MKI67: variants seen among roughly 807,000 people sequenced by gnomAD.
The protein encoded by MKI67 is marker of proliferation Ki-67, also known as proliferation marker protein Ki-67.
Under a neutral mutation model 233.5 loss-of-function variants are expected in MKI67, and 152 were observed. That is an observed-to-expected ratio of 0.65 (90% CI 0.57 to 0.74). MKI67 has a LOEUF of 0.74. MKI67 is among the 30% of genes least tolerant of loss of function. MKI67 has a pLI of 0.00. For missense variants in MKI67, 3,940 were observed against 3,885.2 expected (o/e 1.01, Z -0.37); for synonymous variants, 1,465 against 1,418.5 (o/e 1.03, Z -0.74).
At chr10:128,112,540 T>C in intron 8 of MKI67, 95 bp from the exon 9 acceptor site, 1 of 1,243,600 alleles carries the variant, frequency 8.0e-7, no homozygotes, top group South Asian at 1.4e-5. Context: ...ATTTCAGCTG[T>C]TTAAATCTTG....
In MKI67 at chr10:128,108,028, C is replaced by T. The variant is rs765282623; in HGVS notation, c.3812G>A (p.Arg1271Lys). 3 of 1,612,530 alleles carry T rather than the reference C, an allele frequency of 1.9e-6. No homozygotes were observed. Among genetic ancestry groups the T allele is most frequent in the Non-Finnish European group, 2.5e-6 (3 of 1,179,746 alleles). ...CTCTACATCTGCTTTCCTGATACTT[C>T]TCTTGGGTCGTTGCTTTGTGCTTGT... ...TPTSTKQRPK[R>K]SIRKADVEGE... Residue 1271 changes from arginine (R) to lysine (K), a missense_variant, in exon 13 of 15, where the codon AGA (arginine) becomes AAA (lysine). By Grantham distance (26) the Arg-to-Lys change is conservative. Transcript: ENST00000368654.
In MKI67 at chr10:128,107,723, A is replaced by T; in HGVS notation, c.4117T>A (p.Cys1373Ser). The T allele has an allele frequency of 1.1e-5, 17 of 1,613,792 alleles. No homozygotes were observed. The highest frequency in any genetic ancestry group is 1.4e-5 in the Non-Finnish European group (16 of 1,179,982). Residue 1373 changes from cysteine (C) to serine (S), a missense_variant, in exon 13 of 15, where the codon TGC becomes AGC. Transcript: ENST00000368654. ...GCTGATTCTGGTGGAGAAGATTCGC[A>T]GGGCATTTTAGTAGTTTTGCCAGCA... ...VAAGKTTKMPCESSPPESADT... is the reference protein window; with the variant it reads ...VAAGKTTKMPSESSPPESADT...
At position 128,107,692 on chromosome 10, in the gene MKI67, G is replaced by T. The variant is rs1444866044; in HGVS notation, c.4148C>A (p.Thr1383Asn). The change falls in exon 13 of 15, where the codon ACC (threonine) becomes AAC (asparagine). Residue 1383 changes from threonine (T) to asparagine (N), a missense_variant. By Grantham distance (65) the Thr-to-Asn change is moderately conservative. Coordinates refer to ENST00000368654, the MANE Select transcript of MKI67 (RefSeq NM_002417.5). ...GGGCTGCCTTCTTGTGCTTGTTGGG[G>T]TGTCTGCTGATTCTGGTGGAGAAGA... ...CESSPPESAD[T>N]PTSTRRQPKT... The T allele has an allele frequency of 6.2e-7, 1 of 1,613,726 alleles. No homozygotes were observed. Among genetic ancestry groups the T allele is most frequent in the Non-Finnish European group, 8.5e-7 (1 of 1,180,018 alleles).
chr10:128,108,934 C>A lies in MKI67; in HGVS notation c.2906G>T (p.Ser969Ile). The A allele has an allele frequency of 1.9e-6, 3 of 1,614,258 alleles. No homozygotes were observed. Among genetic ancestry groups the A allele is most frequent in the Non-Finnish European group, 2.5e-6 (3 of 1,180,048 alleles). ...APMSDLTDLK[S>I]LPDTELMKDT... ...TTTCATGAGTTCTGTATCAGGCAAG[C>A]TCTTGAGGTCTGTCAGGTCAGACAT... The change falls in exon 13 of 15, where the codon AGC (serine) becomes ATC (isoleucine). Residue 969 changes from serine to isoleucine, a missense_variant. Ser to Ile is a moderately radical substitution (Grantham distance 142, BLOSUM62 -2). Coordinates refer to ENST00000368654, the MANE Select transcript of MKI67 (RefSeq NM_002417.5).
chr10:128,106,996 CA>C lies in MKI67; in HGVS notation c.4843del (p.Cys1615AlafsTer28). 1.2e-6 allele frequency: 2 copies of C among 1,613,062 alleles called. No homozygotes were observed. The highest frequency in any genetic ancestry group is 1.1e-5 in the South Asian group (1 of 91,032). On this transcript the variant is annotated frameshift_variant, in exon 13 of 15. Transcript: ENST00000368654. LOFTEE classifies it high-confidence loss of function. ...GTCTGGGTCTGGTTGTGAAGATTTG[CA>C]GGCTACTTTGGCAGTTTTATCGTTA... ...MTNDKTAKVA[C>X]KSSQPDPDKN...
rs374103830 is a variant in MKI67 at position 128,112,339 on chromosome 10, G to A, written c.1763C>T (p.Thr588Ile). 16 of 1,614,074 alleles carry A rather than the reference G, an allele frequency of 9.9e-6. No individual in the cohort carries two copies. The highest frequency in any genetic ancestry group is 1.3e-5 in the Non-Finnish European group (15 of 1,180,046). ...ISPPAPSPRK[T>I]PVASDQRRRS... is the part of the protein sequence containing the mutation. ...ACGGCGTTGATCACTGGCAACTGGA[G>A]TTTTCCTAGGACTAGGAGCTGGAGG... Residue 588 changes from threonine (T) to isoleucine (I), a missense_variant, in exon 9 of 15, where the codon ACT (threonine) becomes ATT (isoleucine). By Grantham distance (89) the Thr-to-Ile change is moderately conservative. Transcript: ENST00000368654.
Position 128,107,858 on chromosome 10 carries a change from C to T in MKI67, c.3982G>A (p.Gly1328Ser), listed in dbSNP as rs201476882. Residue 1328 changes from glycine to serine, a missense_variant, in exon 13 of 15, where the codon GGC (glycine) becomes AGC (serine). Gly to Ser is a moderately conservative substitution (Grantham distance 56, BLOSUM62 0). Transcript: ENST00000368654. The stretch of plus-strand genomic sequence containing the variant: ...GGAGTTTGTGGCCGTCTCTTGCTGC[C>T]GGTTAAGTTCTCTGTCAGGTCCAGT... ...QKLDLTENLTGSKRRPQTPKE... is the reference protein window; with the variant it reads ...QKLDLTENLTSSKRRPQTPKE... 75 of 1,612,680 alleles carry T rather than the reference C, an allele frequency of 4.7e-5. No homozygotes were observed. Among genetic ancestry groups the T allele is most frequent in the African/African-American group, 1.1e-4 (8 of 74,500 alleles).
rs1334045834 is a variant in MKI67, at chr10:128,108,140, G to A, written c.3700C>T (p.Pro1234Ser). 3 of 1,613,316 alleles carry A rather than the reference G, an allele frequency of 1.9e-6. No homozygotes were observed. The highest frequency in any genetic ancestry group is 1.7e-6 in the Non-Finnish European group (2 of 1,179,920). ...LAGFKELFQT[P>S]GHTEELVAAG... ...GCCACTAATTCCTCGGTGTGACCAGGAGTCTGGAAGAGCTCTTTAAAGCCA... is the reference window on the plus strand; with the variant it reads ...GCCACTAATTCCTCGGTGTGACCAGAAGTCTGGAAGAGCTCTTTAAAGCCA... The change falls in exon 13 of 15, where the codon CCT becomes TCT. Residue 1234 changes from proline (P) to serine (S), a missense_variant. By Grantham distance (74) the Pro-to-Ser change is moderately conservative (BLOSUM62 -1). Coordinates refer to ENST00000368654, the MANE Select transcript of MKI67 (RefSeq NM_002417.5).
rs764361328 is a variant in MKI67 at position 128,109,242 on chromosome 10, T to C, written c.2598A>G (p.Ser866=). The C allele has an allele frequency of 6.2e-7, 1 of 1,614,204 alleles. No individual in the cohort carries two copies. The highest frequency in any genetic ancestry group is 1.1e-5 in the South Asian group (1 of 91,080). The change falls in exon 13 of 15, where the codon TCA becomes TCG. Residue 866 remains serine (S), a synonymous_variant. Transcript: ENST00000368654. ...TKTSDTETEP[S]KTVSTANRSG... ...ACCTGTTTGCAGTGGATACTGTTTT[T>C]GAAGGCTCTGTCTCAGTATCTGAAG...
At chr10:128,122,259 T>C (rs1852964376) in intron 4 of MKI67, among the ~76,000 whole-genome samples, 1 of 152,148 alleles carries the variant, frequency 6.6e-6, no homozygotes, top group Admixed American at 6.6e-5. Flanking sequence ...GACTTGAAGA[T>C]GGCTGCCTTC....
intron 2 of MKI67, 41 bp from the exon 3 acceptor site, chr10:128,123,210 T>C (rs1347436905): frequency 1.5e-6 from 2 of 1,337,436 alleles, no homozygotes; most frequent in Non-Finnish European, 1.1e-6. Context: ...TGCTGCAACT[T>C]TTTAAAAGAT....
rs748958146 is a variant in MKI67, at chr10:128,125,711, G to A, written c.-44C>T. 6.6e-7 allele frequency: 1 copy of A among 1,524,254 alleles called. No individual in the cohort carries two copies. Among genetic ancestry groups the A allele is most frequent in the South Asian group, 1.1e-5 (1 of 88,596 alleles). The allele number at this position is 1,524,254 out of a possible 1,614,324, so 94.4% of individuals were successfully genotyped here. On this transcript the variant is annotated 5_prime_UTR_variant, in exon 2 of 15. Coordinates refer to ENST00000368654, the MANE Select transcript of MKI67 (RefSeq NM_002417.5). The surrounding 1 kb of genome is among the most constrained non-coding windows in gnomAD (Gnocchi z 5.3). ...AGTATAATCCGTAGGGGAAGGCCAG[G>A]TATAATCCGTAGGGGAAGGCCAGAA...
intron 13 of MKI67, among the ~76,000 whole-genome samples, 200 bp from the exon 14 acceptor site, chr10:128,101,901 C>G (rs1335539205): frequency 6.6e-6 from 1 of 152,134 alleles, no homozygotes; most frequent in Non-Finnish European, 1.5e-5. Flanking sequence ...AAATGACTGT[C>G]TCTGCTGACA....
Position 128,107,712 on chromosome 10 carries a change from A to T in MKI67, c.4128T>A (p.Ser1376=), listed in dbSNP as rs1243878789. ...GKTTKMPCES[S]PPESADTPTS... is the part of the protein sequence containing the mutation. The stretch of plus-strand genomic sequence containing the variant: ...TTGGGGTGTCTGCTGATTCTGGTGG[A>T]GAAGATTCGCAGGGCATTTTAGTAG... Residue 1376 remains serine (S), a synonymous_variant, in exon 13 of 15, where the codon TCT becomes TCA. Coordinates refer to ENST00000368654, the MANE Select transcript of MKI67 (RefSeq NM_002417.5). 6.2e-7 allele frequency: 1 copy of T among 1,611,888 alleles called. No homozygotes were observed. The highest frequency in any genetic ancestry group is 8.5e-7 in the Non-Finnish European group (1 of 1,179,450).
At chr10:128,121,378 A>G (rs1007476020) in intron 4 of MKI67, among the ~76,000 whole-genome samples, 41 of 143,630 alleles carry the variant, frequency 2.9e-4, no homozygotes, top group African/African-American at 1.0e-3. Context: ...ATTATATATT[A>G]TATAATATAA....
rs1430914326 is a variant in MKI67, at chr10:128,109,099, A to G, written c.2741T>C (p.Leu914Pro). ...ILKRGQKATL[L>P]QQRREGEMKE... ...CATCTCTCCTTCTCTCCTTTGTTGT[A>G]GTAGTGTTGCCTTCTGACCTCTTTT... The change falls in exon 13 of 15, where the codon CTA (leucine) becomes CCA (proline). Residue 914 changes from leucine (L) to proline (P), a missense_variant. By Grantham distance (98) the Leu-to-Pro change is moderately conservative. Transcript: ENST00000368654. The G allele has an allele frequency of 6.2e-7, 1 of 1,613,998 alleles. No homozygotes were observed. Among genetic ancestry groups the G allele is most frequent in the Admixed American group, 1.7e-5 (1 of 60,002 alleles).
chr10:128,099,173 C>T lies in MKI67; in HGVS notation c.*17G>A, dbSNP rs2136122199. 1 of 1,591,490 alleles carries T rather than the reference C, an allele frequency of 6.3e-7. No individual in the cohort carries two copies. The highest frequency in any genetic ancestry group is 2.2e-5 in the East Asian group (1 of 44,512). Reference sequence around the variant, plus strand: ...CAAAACTAACTTTATTATATTTTTCCCAGTTCGATTTTTCTGTCAAATATC... The same window carrying T: ...CAAAACTAACTTTATTATATTTTTCTCAGTTCGATTTTTCTGTCAAATATC... On this transcript the variant is annotated 3_prime_UTR_variant, in exon 15 of 15. Transcript: ENST00000368654.
Position 128,099,221 on chromosome 10 carries a change from G to A in MKI67, c.9740C>T (p.Thr3247Ile). ...EDNVCVKKIR[T>I]RSHRDSEDI ...ATCTTCACTGTCCCTATGACTTCTG[G>A]TTCTTATTTTCTTGACACACACATT... Residue 3247 changes from threonine to isoleucine, a missense_variant, in exon 15 of 15, where the codon ACC becomes ATC. Thr to Ile is a moderately conservative substitution (Grantham distance 89). Coordinates refer to ENST00000368654, the MANE Select transcript of MKI67 (RefSeq NM_002417.5). 6.2e-7 allele frequency: 1 copy of A among 1,612,954 alleles called. No individual in the cohort carries two copies. The highest frequency in any genetic ancestry group is 8.5e-7 in the Non-Finnish European group (1 of 1,179,538).
At chr10:128,102,130 CCTCT>C (rs1335998518) in intron 13 of MKI67, among the ~76,000 whole-genome samples, 1 of 152,178 alleles carries the variant, frequency 6.6e-6, no homozygotes, top group African/African-American at 2.4e-5. Context: ...GCAGTGGGAG[CCTCT>C]CTATCTAACA....
Sources: gnomAD v4.1 joint callset for allele counts (sites outside exome capture counted in the v4.1 genomes callset) on GRCh38, gnomAD v4.1.1 for gene constraint, Gnocchi (gnomAD v3.1) non-coding constraint, MANE v1.5 for transcripts, NCBI Gene and HGNC (gene_info 2026-07-23, HGNC 2026-07-21) for gene names.